The following SRBD1 variants were observed in gnomAD, a reference collection of about 807,000 sequenced individuals.
The protein encoded by SRBD1 is S1 RNA binding domain 1.
In SRBD1, 88 loss-of-function variants were observed where a neutral mutation model predicts 115.3. That is an observed-to-expected ratio of 0.76 (90% confidence interval 0.64 to 0.91). The LOEUF (loss-of-function observed/expected upper bound fraction) is 0.91, where lower values mean the gene tolerates loss of function less well. SRBD1 is among the 40% of genes least tolerant of loss of function. The pLI, the probability that SRBD1 is intolerant of heterozygous loss-of-function variation, is 0.00. For synonymous variants in SRBD1, 509 were observed against 407.7 expected (o/e 1.25, Z -2.99); for missense variants, 1,385 against 1,177.4 (o/e 1.18, Z -2.58).
At chr2:45,413,340 G>T (rs1486340906) in intron 18 of SRBD1, 47 bp from the exon 19 acceptor site, 2 of 1,565,202 alleles carry the variant, frequency 1.3e-6, no homozygotes, top group Non-Finnish European at 1.7e-6. Context: ...GGGAAGGTTG[G>T]GCAGAAAAGT....
At chr2:45,596,624 G>T (rs1673902201) in intron 4 of SRBD1, among the ~76,000 whole-genome samples, 1 of 151,954 alleles carries the variant, frequency 6.6e-6, no homozygotes, top group South Asian at 2.1e-4. Flanking sequence ...TTTTTTGATG[G>T]TTAACCCATT....
rs754427028 is a variant in SRBD1 at position 45,418,556 on chromosome 2, T to C, written c.2157-15A>G. The C allele has an allele frequency of 1.9e-6, 3 of 1,568,428 alleles. No individual in the cohort carries two copies. The highest frequency in any genetic ancestry group is 2.0e-5 in the Admixed American group (1 of 50,988). On this transcript the variant is annotated splice_polypyrimidine_tract_variant and intron_variant, in intron 17 of 20. Transcript: ENST00000263736. ...CTGCAATATGCCTAGAAAAAAAAAA[T>C]AAGCAAACTGAAAAAAAGATCTCAT...
At chr2:45,551,709 G>C (rs1159934149) in intron 11 of SRBD1, among the ~76,000 whole-genome samples, 1 of 152,110 alleles carries the variant, frequency 6.6e-6, no homozygotes, top group African/African-American at 2.4e-5. Flanking sequence ...GAAACAGCAA[G>C]TAATTTCGTA....
At chr2:45,492,614 A>G (rs755228424) in intron 14 of SRBD1, among the ~76,000 whole-genome samples, 1 of 151,920 alleles carries the variant, frequency 6.6e-6, no homozygotes, top group Non-Finnish European at 1.5e-5. Context: ...AATTTTTTGT[A>G]TTTTGTAGTA....
intron 19 of SRBD1, among the ~76,000 whole-genome samples, chr2:45,398,895 AATGAGT>A (rs1667219813): frequency 1.3e-5 from 2 of 152,162 alleles, no homozygotes; most frequent in Non-Finnish European, 2.9e-5. Context: ...TATACCTCTA[AATGAGT>A]ATGAGTATAT....
intron 16 of SRBD1, among the ~76,000 whole-genome samples, chr2:45,468,028 T>C (rs1669540519): frequency 6.6e-6 from 1 of 152,156 alleles, no homozygotes; most frequent in Non-Finnish European, 1.5e-5. Flanking sequence ...TGATTGAAAC[T>C]CCTGGTGTAC....
chr2:45,588,684 T>C (rs1010617323), intron 4 of SRBD1, among the ~76,000 whole-genome samples: 1 of 152,204 alleles, frequency 6.6e-6, no homozygotes, highest in Non-Finnish European at 1.5e-5. Flanking sequence ...GAGTGCTGCA[T>C]TGCTCTGGCC....
chr2:45,519,700 G>T (rs1671223537), intron 14 of SRBD1, among the ~76,000 whole-genome samples: 2 of 151,950 alleles, frequency 1.3e-5, no homozygotes, highest in Non-Finnish European at 2.9e-5. Context: ...AAAAATTTTT[G>T]TTTATTTTTC....
chr2:45,603,488 CA>C (rs1432398902), intron 2 of SRBD1, among the ~76,000 whole-genome samples: 4 of 152,094 alleles, frequency 2.6e-5, no homozygotes, highest in African/African-American at 9.7e-5. Flanking sequence ...GCTCTCTTGC[CA>C]GGTAATCTTG....
chr2:45,580,479 G>A (rs972494184), intron 6 of SRBD1, among the ~76,000 whole-genome samples: 2 of 150,482 alleles, frequency 1.3e-5, no homozygotes, highest in Admixed American at 6.6e-5. Context: ...CCAGGTAGCT[G>A]GGACTACAGG....
intron 3 of SRBD1, 57 bp from the exon 4 acceptor site, chr2:45,599,892 G>A: frequency 6.6e-7 from 1 of 1,512,166 alleles, no homozygotes; most frequent in Non-Finnish European, 8.8e-7. Context: ...AATTTCCTGG[G>A]ACTATTACTC....
chr2:45,446,664 T>A (rs1415919688), intron 16 of SRBD1, among the ~76,000 whole-genome samples: 4 of 147,618 alleles, frequency 2.7e-5, no homozygotes, highest in Non-Finnish European at 6.0e-5. Flanking sequence ...ACCCAATTAA[T>A]AAAAAGACAT....
chr2:45,523,275 G>GAAA (rs61024871), intron 14 of SRBD1, among the ~76,000 whole-genome samples: 1 of 86,564 alleles, frequency 1.2e-5, no homozygotes, highest in Non-Finnish European at 2.5e-5. Context: ...CAAAACGCTG[G>GAAA]AAAAAAAAAA....
intron 16 of SRBD1, among the ~76,000 whole-genome samples, chr2:45,448,614 T>C (rs370575143): frequency 1.3e-5 from 2 of 152,088 alleles, no homozygotes; most frequent in East Asian, 3.9e-4. Flanking sequence ...ACCTTCAAAT[T>C]TACATTATTT....
chr2:45,599,317 T>G (rs989145504), intron 4 of SRBD1, 132 bp downstream of exon 4: 1 of 1,294,152 alleles, frequency 7.7e-7, no homozygotes, highest in Non-Finnish European at 1.1e-6. Context: ...TAGGAAAGCC[T>G]CCAGAAATCA....
chr2:45,595,527 C>G lies in SRBD1; in HGVS notation c.648+3922G>C, dbSNP rs1450861633. On this transcript the variant is annotated intron_variant, in intron 4 of 20. Coordinates refer to ENST00000263736, the MANE Select transcript of SRBD1 (RefSeq NM_018079.5). ...TGAGTCTGATCCTTATCCAAATGTTCAGGACTTTTCTGATTTTCTGGCTTG... is the reference window on the plus strand; with the variant it reads ...TGAGTCTGATCCTTATCCAAATGTTGAGGACTTTTCTGATTTTCTGGCTTG... Among the ~76,000 whole-genome samples, 3 of 152,126 alleles carry G rather than the reference C, an allele frequency of 2.0e-5. No individual in the cohort carries two copies. The East Asian group carries it at 5.8e-4, about 29-fold the overall frequency.
chr2:45,502,032 C>T (rs1364221923), intron 14 of SRBD1, among the ~76,000 whole-genome samples: 1 of 152,180 alleles, frequency 6.6e-6, no homozygotes. Flanking sequence ...AACTGGGAGG[C>T]ACCCCCCAGT....
intron 10 of SRBD1, among the ~76,000 whole-genome samples, chr2:45,560,502 C>G (rs530814578): frequency 1.3e-4 from 20 of 152,286 alleles, no homozygotes; most frequent in Non-Finnish European, 1.9e-4. Context: ...TATACAGTTA[C>G]GTAGATTATC....
chr2:45,557,657 T>A (rs1672525017), intron 10 of SRBD1, among the ~76,000 whole-genome samples: 1 of 152,164 alleles, frequency 6.6e-6, no homozygotes. Context: ...CCAAAACAAT[T>A]CCTGCCCTTC....
Sources: allele counts gnomAD v4.1 joint callset (sites outside exome capture counted in the v4.1 genomes callset), GRCh38; gene constraint gnomAD v4.1.1; transcripts MANE v1.5; gene names NCBI Gene and HGNC (gene_info 2026-07-23, HGNC 2026-07-21).